Variants in SH3GL2 observed in about 807,000 individuals in gnomAD.
SH3GL2 encodes endophilin-A1.
A neutral mutation model predicts 46.0 loss-of-function variants in SH3GL2; 24 were observed. The ratio of observed to expected loss-of-function variants is 0.52; its 90% CI spans 0.38 to 0.73. SH3GL2 has a LOEUF of 0.73. SH3GL2 is among the 30% of genes least tolerant of loss of function. SH3GL2 has a pLI of 0.00. For missense variants in SH3GL2, 413 were observed against 424.2 expected (o/e 0.97, Z 0.23); for synonymous variants, 196 against 147.1 (o/e 1.33, Z -2.40).
intron 1 of SH3GL2, among the ~76,000 whole-genome samples, chr9:17,618,263 C>T (rs1462648515): frequency 2.0e-5 from 3 of 151,900 alleles, no homozygotes. Context: ...ATGCACAGGA[C>T]AAAAAAATAC....
intron 1 of SH3GL2, among the ~76,000 whole-genome samples, chr9:17,653,180 A>G (rs113594750): frequency 6.6e-6 from 1 of 151,746 alleles, no homozygotes; most frequent in Non-Finnish European, 1.5e-5. Flanking sequence ...GCTTATTTTC[A>G]CTGTCTTGTT....
intron 1 of SH3GL2, among the ~76,000 whole-genome samples, chr9:17,669,986 G>C (rs940320859): frequency 1.3e-5 from 2 of 152,132 alleles, no homozygotes; most frequent in Admixed American, 6.5e-5. Flanking sequence ...TTACAGACAA[G>C]CTAGTGGGGA....
At chr9:17,620,986 A>G (rs1311193846) in intron 1 of SH3GL2, among the ~76,000 whole-genome samples, 1 of 152,228 alleles carries the variant, frequency 6.6e-6, no homozygotes, top group East Asian at 1.9e-4. Context: ...AAAAATACTT[A>G]TAATGTGTAG....
Position 17,789,460 on chromosome 9 carries a change from T to C in SH3GL2, c.534T>C (p.Ile178=). The change falls in exon 6 of 9, where the codon ATT becomes ATC. Residue 178 remains isoleucine, a synonymous_variant. Transcript: ENST00000380607. Reference sequence around the variant, plus strand: ...ATAAGAAGAAACGACAAGGCAAGATTCCGGATGAAGAGCTTCGTCAAGCTC... The same window carrying C: ...ATAAGAAGAAACGACAAGGCAAGATCCCGGATGAAGAGCTTCGTCAAGCTC... ...FDYKKKRQGK[I]PDEELRQALE... The C allele has an allele frequency of 6.2e-7, 1 of 1,613,472 alleles. No individual in the cohort carries two copies. Among genetic ancestry groups the C allele is most frequent in the South Asian group, 1.1e-5 (1 of 91,072 alleles).
intron 7 of SH3GL2, among the ~76,000 whole-genome samples, chr9:17,792,264 A>C (rs1177033564): frequency 2.0e-5 from 3 of 152,158 alleles, no homozygotes; most frequent in Non-Finnish European, 2.9e-5. Flanking sequence ...AGCCTTATGG[A>C]AATTTATGTA....
intron 1 of SH3GL2, among the ~76,000 whole-genome samples, chr9:17,710,109 G>A (rs116554307): frequency 0.05 from 7,523 of 151,948 alleles, 615 homozygotes; most frequent in African/African-American, 0.17. Flanking sequence ...TGGTTTGGCT[G>A]TGTCCCCACC....
At chr9:17,771,113 A>G (rs1246680835) in intron 3 of SH3GL2, among the ~76,000 whole-genome samples, 2 of 152,142 alleles carry the variant, frequency 1.3e-5, no homozygotes, top group African/African-American at 2.4e-5. Flanking sequence ...CAGAGCTCCT[A>G]TTTCAAGCAT....
At chr9:17,792,773 C>T (rs1824170028) in intron 7 of SH3GL2, among the ~76,000 whole-genome samples, 1 of 152,160 alleles carries the variant, frequency 6.6e-6, no homozygotes, top group African/African-American at 2.4e-5. Context: ...TCCTTCCCAC[C>T]TTCACCCACA....
At chr9:17,789,335 A>G in intron 5 of SH3GL2, 57 bp from the exon 6 acceptor site, 3 of 1,458,950 alleles carry the variant, frequency 2.1e-6, no homozygotes, top group South Asian at 1.2e-5. Flanking sequence ...AAGTGAGCTC[A>G]AATAAGCCTT....
In SH3GL2 at chr9:17,748,984, A is replaced by G. The variant is rs141825268; in HGVS notation, c.114+1850A>G. Among the ~76,000 whole-genome samples the G allele has an allele frequency of 7.2e-5, 11 of 152,328 alleles. No individual in the cohort carries two copies. In the East Asian group the frequency reaches 2.1e-3, roughly 29 times the overall value. On this transcript the variant is annotated intron_variant, in intron 2 of 8. Coordinates refer to ENST00000380607, the MANE Select transcript of SH3GL2 (RefSeq NM_003026.5). Reference sequence around the variant, plus strand: ...GTCCTGTGAAATCAGACTGCATAGTATTGATCCAGCTGGTCATTCTGGCTA... The same window carrying G: ...GTCCTGTGAAATCAGACTGCATAGTGTTGATCCAGCTGGTCATTCTGGCTA...
chr9:17,777,621 C>G (rs1383734082), intron 3 of SH3GL2, among the ~76,000 whole-genome samples: 9 of 150,440 alleles, frequency 6.0e-5, no homozygotes, highest in South Asian at 2.1e-4. Flanking sequence ...GATGAGGGCT[C>G]TCTTCCTGGC....
intron 1 of SH3GL2, among the ~76,000 whole-genome samples, chr9:17,637,468 G>A (rs984262470): frequency 6.6e-6 from 1 of 152,146 alleles, no homozygotes; most frequent in African/African-American, 2.4e-5. Context: ...TCTTTACTTA[G>A]TCGGGAACTC....
In SH3GL2 at chr9:17,747,130, A is replaced by G. The variant is rs1188031647; in HGVS notation, c.110A>G (p.Glu37Gly). Residue 37 changes from glutamate (E) to glycine (G), a missense_variant, in exon 2 of 9, where the codon GAA becomes GGA. Around this residue, in one of 3 missense-constraint regions of SH3GL2, gnomAD observed 160 missense variants for 192.3 expected, o/e 0.83. Coordinates refer to ENST00000380607, the MANE Select transcript of SH3GL2 (RefSeq NM_003026.5). ...TKLDDDFKEM[E>G]RKVDVTSRAV... is the part of the protein sequence containing the mutation. ...CTAGATGATGACTTCAAAGAGATGG[A>G]AAGGGTAAGCCTTCACTACTGCCTA... The G allele has an allele frequency of 6.2e-7, 1 of 1,600,266 alleles. No homozygotes were observed. The highest frequency in any genetic ancestry group is 8.6e-7 in the Non-Finnish European group (1 of 1,167,784).
At chr9:17,593,658 C>T (rs909213730) in intron 1 of SH3GL2, among the ~76,000 whole-genome samples, 1 of 152,044 alleles carries the variant, frequency 6.6e-6, no homozygotes, top group African/African-American at 2.4e-5. Context: ...AGTTTTCTGC[C>T]TGTAATGGGG....
At chr9:17,654,365 A>G (rs1310151028) in intron 1 of SH3GL2, among the ~76,000 whole-genome samples, 7 of 151,998 alleles carry the variant, frequency 4.6e-5, no homozygotes, top group Non-Finnish European at 8.8e-5. Context: ...GGGAAGGGGG[A>G]TTGTCGTATT....
At chr9:17,675,310 A>G (rs983001521) in intron 1 of SH3GL2, among the ~76,000 whole-genome samples, 1 of 152,178 alleles carries the variant, frequency 6.6e-6, no homozygotes, top group African/African-American at 2.4e-5. Flanking sequence ...GAATTATCTT[A>G]TTAAATAAAT....
chr9:17,581,070 A>G (rs1818268567), intron 1 of SH3GL2, among the ~76,000 whole-genome samples: 1 of 152,160 alleles, frequency 6.6e-6, no homozygotes, highest in Admixed American at 6.5e-5. Flanking sequence ...AGTGTGTAGA[A>G]CACACGTATA....
At chr9:17,645,478 A>G (rs1255115153) in intron 1 of SH3GL2, among the ~76,000 whole-genome samples, 1 of 152,116 alleles carries the variant, frequency 6.6e-6, no homozygotes, top group Non-Finnish European at 1.5e-5. Flanking sequence ...GACGTTCTTT[A>G]CAATTTTGTT....
Position 17,770,718 on chromosome 9 carries a change from A to G in SH3GL2, c.187+9209A>G, listed in dbSNP as rs576549635. On this transcript the variant is annotated intron_variant, in intron 3 of 8. Coordinates refer to ENST00000380607, the MANE Select transcript of SH3GL2 (RefSeq NM_003026.5). ...CCTTGTCTAGAAGAAGCACACTGCCATGTTATGACAGCCCAAGGAGAGGAC... is the reference window on the plus strand; with the variant it reads ...CCTTGTCTAGAAGAAGCACACTGCCGTGTTATGACAGCCCAAGGAGAGGAC... Among the ~76,000 whole-genome samples, 6 of 152,348 alleles carry G rather than the reference A, an allele frequency of 3.9e-5. No individual in the cohort carries two copies. The South Asian group carries it at 1.2e-3, about 32-fold the overall frequency.
Sources: allele counts gnomAD v4.1 joint callset (sites outside exome capture counted in the v4.1 genomes callset), GRCh38; gene constraint gnomAD v4.1.1; regional missense constraint gnomAD v4.1.1; transcripts MANE v1.5; gene names NCBI Gene and HGNC (gene_info 2026-07-23, HGNC 2026-07-21).